Variants in LIPC observed in about 807,000 individuals in gnomAD.
The protein encoded by LIPC is lipase C, hepatic type, also known as hepatic triacylglycerol lipase.
LIPC carries 44 observed loss-of-function variants against 50.7 expected under a neutral mutation model. That is an observed-to-expected ratio of 0.87 (90% CI 0.68 to 1.11). The LOEUF (loss-of-function observed/expected upper bound fraction) is 1.11, where lower values mean the gene tolerates loss of function less well. LIPC is among the 50% of genes most tolerant of loss of function. LIPC has a pLI of 0.00. For missense variants in LIPC, 697 were observed against 648.2 expected (o/e 1.08, Z -0.82); for synonymous variants, 271 against 256.4 (o/e 1.06, Z -0.54).
intron 1 of LIPC, among the ~76,000 whole-genome samples, chr15:58,446,093 C>G (rs1893685516): frequency 6.6e-6 from 1 of 152,076 alleles, no homozygotes; most frequent in Non-Finnish European, 1.5e-5. Flanking sequence ...ACTTGTAAAA[C>G]CAGTTGAGAT....
chr15:58,507,963 G>A (rs542841132), intron 1 of LIPC, among the ~76,000 whole-genome samples: 1 of 152,270 alleles, frequency 6.6e-6, no homozygotes, highest in South Asian at 2.1e-4. Flanking sequence ...GGACTTCAGA[G>A]CAGACAAGGG....
chr15:58,501,267 G>A (rs146133108), intron 1 of LIPC, among the ~76,000 whole-genome samples: 12 of 151,488 alleles, frequency 7.9e-5, no homozygotes, highest in East Asian at 3.9e-4. Context: ...TTCTGGGAGG[G>A]ATTTAAGGTG....
At chr15:58,548,637 A>C in intron 6 of LIPC, 65 bp downstream of exon 6, 1 of 1,545,924 alleles carries the variant, frequency 6.5e-7, no homozygotes, top group Admixed American at 1.9e-5. Flanking sequence ...AGGGCTCAGA[A>C]GTCCCCTTGG....
At chr15:58,565,378 G>T in intron 8 of LIPC, 1 of 1,505,496 alleles carries the variant, frequency 6.6e-7, no homozygotes, top group Non-Finnish European at 8.8e-7. Context: ...GACCTGAAAG[G>T]GTGGCTAAAG....
intron 1 of LIPC, among the ~76,000 whole-genome samples, chr15:58,452,490 A>G (rs75828665): frequency 0.013 from 2,017 of 152,314 alleles, 36 homozygotes; most frequent in East Asian, 0.07. Context: ...GCCACGCACT[A>G]TCAAGTTATA....
intron 1 of LIPC, among the ~76,000 whole-genome samples, chr15:58,524,548 C>A (rs1892746929): frequency 2.0e-5 from 3 of 152,230 alleles, no homozygotes; most frequent in Admixed American, 2.0e-4. Flanking sequence ...ATTTTGCATT[C>A]CTGCCAGTGT....
chr15:58,462,474 T>G (rs1274514207), intron 1 of LIPC, among the ~76,000 whole-genome samples: 2 of 152,206 alleles, frequency 1.3e-5, no homozygotes, highest in African/African-American at 4.8e-5. Flanking sequence ...CTGGTCCACT[T>G]TCTGCCCTGC....
intron 1 of LIPC, among the ~76,000 whole-genome samples, chr15:58,459,655 T>C (rs1453761445): frequency 6.6e-6 from 1 of 152,154 alleles, no homozygotes; most frequent in East Asian, 1.9e-4. Context: ...TCCCCCCACA[T>C]AGGGTGTGGC....
At chr15:58,500,273 A>G (rs1891935481) in intron 1 of LIPC, among the ~76,000 whole-genome samples, 1 of 152,276 alleles carries the variant, frequency 6.6e-6, no homozygotes, top group Admixed American at 6.5e-5. Context: ...TAAGGTGGGA[A>G]TGGAAATGAC....
chr15:58,560,719 T>C (rs1894129865), intron 6 of LIPC, 145 bp from the exon 7 acceptor site: 1 of 599,388 alleles, frequency 1.7e-6, no homozygotes, highest in East Asian at 2.9e-5. Flanking sequence ...AACCACCATT[T>C]AGGAGCAAAA....
At chr15:58,452,881 C>T (rs919113252) in intron 1 of LIPC, among the ~76,000 whole-genome samples, 3 of 152,212 alleles carry the variant, frequency 2.0e-5, no homozygotes, top group Non-Finnish European at 4.4e-5. Context: ...TCTGCTCTTG[C>T]TCTGGTTCAC....
At chr15:58,511,346 A>T (rs1892325137) in intron 1 of LIPC, among the ~76,000 whole-genome samples, 1 of 151,694 alleles carries the variant, frequency 6.6e-6, no homozygotes, top group Non-Finnish European at 1.5e-5. Context: ...ATCCTCACTA[A>T]CCCCAAGGCC....
chr15:58,455,018 C>T (rs754111705), intron 1 of LIPC: 3 of 152,220 alleles, frequency 2.0e-5, no homozygotes, highest in African/African-American at 4.8e-5. Context: ...TTCCGTCTGT[C>T]GTACTGTGTG....
chr15:58,542,468 C>T (rs1240208360), intron 3 of LIPC, 66 bp from the exon 4 acceptor site: 2 of 1,044,180 alleles, frequency 1.9e-6, no homozygotes, highest in African/African-American at 1.6e-5. Flanking sequence ...CCACAACACA[C>T]TGGACCGCAA....
At chr15:58,503,963 T>G (rs1235174669) in intron 1 of LIPC, among the ~76,000 whole-genome samples, 1 of 152,154 alleles carries the variant, frequency 6.6e-6, no homozygotes, top group Non-Finnish European at 1.5e-5. Flanking sequence ...AGATGGACAT[T>G]TTTCAGAAGA....
At chr15:58,500,183 T>A (rs1422996350) in intron 1 of LIPC, among the ~76,000 whole-genome samples, 1 of 152,140 alleles carries the variant, frequency 6.6e-6, no homozygotes, top group Non-Finnish European at 1.5e-5. Context: ...TTTGGGTATG[T>A]CTTCCCTCAT....
chr15:58,459,358 T>G (rs1473463766), intron 1 of LIPC, among the ~76,000 whole-genome samples: 13 of 151,990 alleles, frequency 8.6e-5, no homozygotes, highest in Non-Finnish European at 1.5e-4. Context: ...TGTCCTTTGC[T>G]AAGCTTGAGT....
chr15:58,512,210 T>G (rs1892350705), intron 1 of LIPC, among the ~76,000 whole-genome samples: 1 of 152,036 alleles, frequency 6.6e-6, no homozygotes. Context: ...GCGATTCTCC[T>G]GCCTCAGCCT....
intron 1 of LIPC, among the ~76,000 whole-genome samples, chr15:58,438,310 GCCTCAGCCTGGGTGTCC>G (rs1488030163): frequency 6.6e-6 from 1 of 152,086 alleles, no homozygotes; most frequent in Non-Finnish European, 1.5e-5. Flanking sequence ...AACCACCCAG[GCCTCAGCCTGGGTGTCC>G]CTGACAGCCA....
Sources: gnomAD v4.1 joint callset for allele counts (sites outside exome capture counted in the v4.1 genomes callset) on GRCh38, gnomAD v4.1.1 for gene constraint, MANE v1.5 for transcripts, NCBI Gene and HGNC (gene_info 2026-07-23, HGNC 2026-07-21) for gene names.